The following SACS variants were observed in gnomAD, a reference collection of about 807,000 sequenced individuals.
SACS encodes sacsin molecular chaperone.
A neutral mutation model predicts 348.0 loss-of-function variants in SACS; 197 were observed. The observed-to-expected ratio is 0.57, with a 90% CI of 0.50 to 0.64. SACS has a LOEUF of 0.64. SACS is among the 30% of genes least tolerant of loss of function. The pLI, the probability that SACS is intolerant of heterozygous loss-of-function variation, is 0.00. For synonymous variants in SACS, 1,985 were observed against 1,910.6 expected, an observed-to-expected ratio of 1.04 and a Z score of -1.02; for missense variants, 4,999 against 5,360.8, an observed-to-expected ratio of 0.93 and a Z score of 2.11.
intron 1 of SACS, among the ~76,000 whole-genome samples, chr13:23,432,745 C>T (rs1028198280): frequency 6.6e-5 from 10 of 152,198 alleles, no homozygotes; most frequent in African/African-American, 2.4e-4. Context: ...ATGAAGAGTT[C>T]CCCTTCAAAA....
At chr13:23,404,353 C>A (rs977584324) in intron 2 of SACS, among the ~76,000 whole-genome samples, 1 of 152,114 alleles carries the variant, frequency 6.6e-6, no homozygotes, top group Non-Finnish European at 1.5e-5. Flanking sequence ...GCAGAAAAGG[C>A]CTTTGATAAA....
intron 7 of SACS, among the ~76,000 whole-genome samples, chr13:23,357,731 CTGAGT>C (rs1202756009): frequency 8.7e-6 from 1 of 114,562 alleles, no homozygotes; most frequent in African/African-American, 3.1e-5. Flanking sequence ...GATGTCCACA[CTGAGT>C]TAAGTATTTC....
chr13:23,350,699 A>C (rs547938183), intron 9 of SACS, among the ~76,000 whole-genome samples: 2 of 152,176 alleles, frequency 1.3e-5, no homozygotes, highest in Non-Finnish European at 2.9e-5. Context: ...ATGTAGAGCA[A>C]AAAATATCAA....
intron 1 of SACS, among the ~76,000 whole-genome samples, chr13:23,426,165 G>A (rs934655925): frequency 1.3e-5 from 2 of 152,098 alleles, no homozygotes; most frequent in Non-Finnish European, 2.9e-5. Flanking sequence ...CACAAGTATA[G>A]GACTTCAGTG....
Position 23,404,793 on chromosome 13 carries a change from C to T in SACS, c.20+6427G>A, listed in dbSNP as rs527367938. ...ACACCAATAATAGCCAAATCATGAG[C>T]GAACTTTCATTCACAATCGCTACAA... On this transcript the variant is annotated intron_variant, in intron 2 of 9. Transcript: ENST00000382292. 1.6e-4 allele frequency among the ~76,000 whole-genome samples: 24 copies of T among 152,130 alleles called. No homozygotes were observed. The East Asian group carries it at 3.5e-3, about 22-fold the overall frequency.
chr13:23,350,252 G>A (rs536897263), intron 9 of SACS, among the ~76,000 whole-genome samples: 1 of 152,320 alleles, frequency 6.6e-6, no homozygotes, highest in Non-Finnish European at 1.5e-5. Flanking sequence ...GGAAGCAAAA[G>A]TCTGTTTGGA....
intron 3 of SACS, among the ~76,000 whole-genome samples, chr13:23,372,590 A>G (rs1593158754): frequency 1.3e-5 from 2 of 152,352 alleles, no homozygotes; most frequent in South Asian, 4.1e-4. Context: ...ACATATACAC[A>G]GGCAGGACAG....
Position 23,335,112 on chromosome 13 carries a change from A to G in SACS, c.8764T>C (p.Tyr2922His). 2 of 1,613,980 alleles carry G rather than the reference A, an allele frequency of 1.2e-6. No individual in the cohort carries two copies. Among genetic ancestry groups the G allele is most frequent in the Non-Finnish European group, 1.7e-6 (2 of 1,179,888 alleles). ...TTTAACTGTATTAGCAATTCAACAT[A>G]TGCAGGAGCTATTAATGCTGTCATT... ...SLMTALIAPA[Y>H]VELLIQLKKR... The change falls in exon 10 of 10, where the codon TAT becomes CAT. Residue 2922 changes from tyrosine to histidine, a missense_variant. Transcript: ENST00000382292. The surrounding 1 kb of genome is among the most constrained non-coding windows in gnomAD (Gnocchi z 4.7).
Position 23,345,837 on chromosome 13 carries a change from A to G in SACS, c.2186-4147T>C, listed in dbSNP as rs969678454. Among the ~76,000 whole-genome samples, 10 of 152,174 alleles carry G rather than the reference A, an allele frequency of 6.6e-5. No homozygotes were observed. In the East Asian group the frequency reaches 1.2e-3, roughly 18 times the overall value. On this transcript the variant is annotated intron_variant, in intron 9 of 9. Transcript: ENST00000382292. Reference sequence around the variant, plus strand: ...TTCTATAAAGCAAATCTTATATCCTATAAGTTTCCAAATGGAACATGAACT... The same window carrying G: ...TTCTATAAAGCAAATCTTATATCCTGTAAGTTTCCAAATGGAACATGAACT...
chr13:23,340,782 C>A lies in SACS; in HGVS notation c.3094G>T (p.Glu1032Ter), dbSNP rs1272702356. ...SLKNENPNVL[E>*]WLTPLKFIQI... ...ATGAATTTTAATGGTGTTAACCACT[C>A]AAGCACATTTGGATTCTCATTTTTA... The change falls in exon 10 of 10, where the codon GAG (glutamate) becomes TAG (stop). Residue 1032 changes from glutamate to a stop codon, truncating the protein, a stop_gained. Coordinates refer to ENST00000382292, the MANE Select transcript of SACS (RefSeq NM_014363.6). LOFTEE classifies it high-confidence loss of function. The A allele has an allele frequency of 6.2e-7, 1 of 1,606,450 alleles. No homozygotes were observed. Among genetic ancestry groups the A allele is most frequent in the Admixed American group, 1.7e-5 (1 of 59,042 alleles).
At position 23,354,791 on chromosome 13, in the gene SACS, A is replaced by G; in HGVS notation, c.1821T>C (p.Asn607=). 6.2e-7 allele frequency: 1 copy of G among 1,614,202 alleles called. No homozygotes were observed. The highest frequency in any genetic ancestry group is 1.7e-5 in the Admixed American group (1 of 60,018). ...SGKQIAKVPG[N]VDAAVQLTAA... is the part of the protein sequence containing the mutation. ...CTGTGAGCTGAACAGCAGCATCCAC[A>G]TTCCCTGGTACCTTGGCAATCTGCT... The change falls in exon 8 of 10, where the codon AAT becomes AAC. Residue 607 remains asparagine (N), a synonymous_variant. Transcript: ENST00000382292.
At chr13:23,380,647 A>G (rs967431888) in intron 2 of SACS, among the ~76,000 whole-genome samples, 1 of 152,214 alleles carries the variant, frequency 6.6e-6, no homozygotes, top group East Asian at 1.9e-4. Context: ...CTAAAATCCT[A>G]TGAGGCATTA....
At chr13:23,413,563 T>C (rs142126474) in intron 1 of SACS, among the ~76,000 whole-genome samples, 10 of 152,164 alleles carry the variant, frequency 6.6e-5, no homozygotes, top group East Asian at 1.9e-4. Flanking sequence ...CAATGTTTCA[T>C]TGTGGGGAAA....
intron 2 of SACS, among the ~76,000 whole-genome samples, chr13:23,408,086 T>C (rs1374646128): frequency 6.6e-6 from 1 of 152,190 alleles, no homozygotes; most frequent in Non-Finnish European, 1.5e-5. Context: ...CTGAGTAAAG[T>C]CTTCTTTACT....
At position 23,331,327 on chromosome 13, in the gene SACS, C is replaced by T. The variant is rs759067460; in HGVS notation, c.12549G>A (p.Gly4183=). 1.5e-5 allele frequency: 25 copies of T among 1,613,810 alleles called. No individual in the cohort carries two copies. The highest frequency in any genetic ancestry group is 2.1e-5 in the Non-Finnish European group (25 of 1,179,948). Residue 4183 remains glycine, a synonymous_variant, in exon 10 of 10, where the codon GGG becomes GGA. Coordinates refer to ENST00000382292, the MANE Select transcript of SACS (RefSeq NM_014363.6). The stretch of plus-strand genomic sequence containing the variant: ...CACCACCTTCAGCATCAACAAGGTA[C>T]CCAACATATTCTCCCGGGTAAAAAA... The part of the protein sequence containing the change: ...MNVFYPGEYV[G]YLVDAEGGDI...
chr13:23,355,301 C>T lies in SACS; in HGVS notation c.1311G>A (p.Thr437=), dbSNP rs140671039. Residue 437 remains threonine, a synonymous_variant, in exon 8 of 10, where the codon ACG becomes ACA. Transcript: ENST00000382292. ...AAAATGCTTTTCCTGAGAAATCAGA[C>T]GTTGCTCCTTTTGCTTCATCATCTC... ...SSRDDEAKGA[T]SDFSGKAFCF... is the part of the protein sequence containing the mutation. The T allele has an allele frequency of 2.5e-5, 40 of 1,613,972 alleles. No homozygotes were observed. In the African/African-American group the frequency reaches 4.0e-4, roughly 16 times the overall value.
chr13:23,430,289 T>C (rs1874383494), intron 1 of SACS, among the ~76,000 whole-genome samples: 2 of 152,216 alleles, frequency 1.3e-5, no homozygotes, highest in Admixed American at 6.5e-5. Flanking sequence ...TTGTAATTTA[T>C]GTTTGAAGCT....
At chr13:23,396,515 T>A (rs945817058) in intron 2 of SACS, among the ~76,000 whole-genome samples, 1 of 152,078 alleles carries the variant, frequency 6.6e-6, no homozygotes, top group African/African-American at 2.4e-5. Flanking sequence ...GGATTTACGG[T>A]CAATTAAGGT....
At position 23,353,858 on chromosome 13, in the gene SACS, A is replaced by C. The variant is rs1870135106; in HGVS notation, c.2112T>G (p.Leu704=). ...AGTTATCCAAAATAAATCTTCCTTCAAGACTTGGGAAAAGGGACCTGAAAA... is the reference window on the plus strand; with the variant it reads ...AGTTATCCAAAATAAATCTTCCTTCCAGACTTGGGAAAAGGGACCTGAAAA... ...AEYPRSLFPS[L]EGRFILDNLK... is the part of the protein sequence containing the mutation. The change falls in exon 9 of 10, where the codon CTT becomes CTG. Residue 704 remains leucine (L), a synonymous_variant. Transcript: ENST00000382292. 6.2e-7 allele frequency: 1 copy of C among 1,606,152 alleles called. No homozygotes were observed. Among genetic ancestry groups the C allele is most frequent in the East Asian group, 2.2e-5 (1 of 44,812 alleles).
Sources: gnomAD v4.1 joint callset for allele counts (sites outside exome capture counted in the v4.1 genomes callset) on GRCh38, gnomAD v4.1.1 for gene constraint, Gnocchi (gnomAD v3.1) non-coding constraint, MANE v1.5 for transcripts, NCBI Gene and HGNC (gene_info 2026-07-23, HGNC 2026-07-21) for gene names.